Variants in DAB1 observed in about 807,000 individuals in gnomAD.
The protein encoded by DAB1 is DAB adaptor protein 1.
A neutral mutation model predicts 64.6 loss-of-function variants in DAB1; 15 were observed. The ratio of observed to expected loss-of-function variants is 0.23; its 90% CI spans 0.16 to 0.36. The LOEUF (loss-of-function observed/expected upper bound fraction) is 0.36, where lower values mean the gene tolerates loss of function less well. DAB1 is among the 10% of genes least tolerant of loss of function. The probability of loss-of-function intolerance (pLI) is 1.00; values close to 1 mark genes in which losing one functional copy is unlikely to be tolerated. For missense variants in DAB1, 596 were observed against 706.7 expected, an observed-to-expected ratio of 0.84 and a Z score of 1.78; for synonymous variants, 235 against 251.9, an observed-to-expected ratio of 0.93 and a Z score of 0.64.
At chr1:57,527,310 T>C (rs148245344) in intron 7 of DAB1, among the ~76,000 whole-genome samples, 21 of 152,322 alleles carry the variant, frequency 1.4e-4, no homozygotes, top group African/African-American at 4.6e-4. Flanking sequence ...CACACTAATT[T>C]ACATTTTTTC....
At chr1:58,459,197 C>T (rs146507636) in intron 3 of DAB1, among the ~76,000 whole-genome samples, 5 of 152,200 alleles carry the variant, frequency 3.3e-5, no homozygotes, top group East Asian at 1.9e-4. Flanking sequence ...TTGAGCATTG[C>T]GTTATCTACT....
intron 7 of DAB1, among the ~76,000 whole-genome samples, chr1:57,493,593 A>G (rs1644192335): frequency 2.0e-5 from 3 of 152,170 alleles, no homozygotes; most frequent in South Asian, 2.1e-4. Flanking sequence ...GCTGCTATGA[A>G]CTTGGTGTAT....
At chr1:58,436,002 A>T (rs1308451105) in intron 3 of DAB1, among the ~76,000 whole-genome samples, 1 of 152,164 alleles carries the variant, frequency 6.6e-6, no homozygotes, top group Non-Finnish European at 1.5e-5. Context: ...CCTGGCATAG[A>T]AGCCATCCCC....
chr1:57,724,465 A>T (rs1398320389), intron 6 of DAB1, among the ~76,000 whole-genome samples: 3 of 152,168 alleles, frequency 2.0e-5, no homozygotes, highest in Non-Finnish European at 4.4e-5. Flanking sequence ...GCTTTGTCTT[A>T]CCGATTCCTT....
intron 1 of DAB1, among the ~76,000 whole-genome samples, chr1:57,343,172 T>G (rs913105493): frequency 6.6e-6 from 1 of 151,790 alleles, no homozygotes; most frequent in Non-Finnish European, 1.5e-5. Flanking sequence ...AGATACAGAG[T>G]GTCCACATAA....
At chr1:58,197,820 C>T (rs1322420504) in intron 4 of DAB1, among the ~76,000 whole-genome samples, 1 of 151,886 alleles carries the variant, frequency 6.6e-6, no homozygotes, top group Non-Finnish European at 1.5e-5. Context: ...TACTTACCAG[C>T]TTCTGAGAAA....
chr1:57,649,240 G>C (rs531799912), intron 7 of DAB1, among the ~76,000 whole-genome samples: 2 of 152,292 alleles, frequency 1.3e-5, no homozygotes, highest in East Asian at 3.9e-4. Flanking sequence ...TTAAGAAAGA[G>C]AGCTAACATA....
intron 2 of DAB1, among the ~76,000 whole-genome samples, chr1:57,152,701 ATATTTATG>A (rs1659807117): frequency 6.6e-6 from 1 of 152,238 alleles, no homozygotes; most frequent in Non-Finnish European, 1.5e-5. Context: ...GTATACGATG[ATATTTATG>A]AATAGTTAAT....
chr1:57,331,522 A>T lies in DAB1; in HGVS notation c.-136-40356T>A, dbSNP rs536494872. On this transcript the variant is annotated intron_variant, in intron 1 of 14. Coordinates refer to ENST00000371236, the MANE Select transcript of DAB1 (RefSeq NM_001365792.1). ...TTTACAAGTTGTGTGAGTGGAAAAA[A>T]TTCTGTAGCCTAGCTCACTCAACAT... is the stretch of plus-strand genomic sequence containing the variant. 2.1e-4 allele frequency among the ~76,000 whole-genome samples: 32 copies of T among 152,234 alleles called. No individual in the cohort carries two copies. In the South Asian group the frequency reaches 6.6e-3, roughly 32 times the overall value.
At chr1:57,569,022 G>T (rs1481069615) in intron 7 of DAB1, among the ~76,000 whole-genome samples, 9 of 151,832 alleles carry the variant, frequency 5.9e-5, no homozygotes, top group African/African-American at 1.9e-4. Flanking sequence ...ACTTTGGGAG[G>T]CCGAGGCGGG....
At chr1:57,422,413 G>A (rs1425917806) in intron 1 of DAB1, among the ~76,000 whole-genome samples, 1 of 149,486 alleles carries the variant, frequency 6.7e-6, no homozygotes, top group Non-Finnish European at 1.5e-5. Flanking sequence ...GGAGAAAGGC[G>A]CTCTCGCTAC....
intron 1 of DAB1, among the ~76,000 whole-genome samples, chr1:57,346,022 G>C (rs1416637972): frequency 6.6e-5 from 10 of 152,170 alleles, no homozygotes; most frequent in African/African-American, 2.4e-4. Context: ...AAAACCCTGA[G>C]ATCGAGAGAA....
intron 3 of DAB1, among the ~76,000 whole-genome samples, chr1:58,502,714 G>A (rs1464002002): frequency 6.6e-6 from 1 of 152,126 alleles, no homozygotes; most frequent in Non-Finnish European, 1.5e-5. Flanking sequence ...TACAATAATA[G>A]GGAATTCCAA....
At chr1:58,314,522 T>TA (rs1213550508) in intron 4 of DAB1, among the ~76,000 whole-genome samples, 2 of 152,168 alleles carry the variant, frequency 1.3e-5, no homozygotes, top group Non-Finnish European at 2.9e-5. Flanking sequence ...ATTTTGTACT[T>TA]ACGATTGAGT....
chr1:57,224,755 T>C (rs1330104077), intron 2 of DAB1, among the ~76,000 whole-genome samples: 1 of 152,156 alleles, frequency 6.6e-6, no homozygotes, highest in Non-Finnish European at 1.5e-5. Context: ...TTGATAGGAG[T>C]GTCTTTGTTA....
rs186054121 is a variant in DAB1, at chr1:57,760,863, C to T, written n.552-111198G>A. Among the ~76,000 whole-genome samples the T allele has an allele frequency of 1.6e-4, 25 of 152,242 alleles. No homozygotes were observed. The East Asian group carries it at 3.7e-3, about 22-fold the overall frequency. On this transcript the variant is annotated intron_variant and non_coding_transcript_variant, in intron 6 of 20. Coordinates refer to the DAB1 transcript ENST00000485760. ...TGCAAACAAATTTGAAGACTCTGCT[C>T]ACACCACATCAGCTAGCATCCTCTT...
intron 4 of DAB1, among the ~76,000 whole-genome samples, chr1:57,111,241 G>A (rs899496947): frequency 6.6e-6 from 1 of 152,100 alleles, no homozygotes; most frequent in African/African-American, 2.4e-5. Flanking sequence ...CACAGGCCAC[G>A]TGTTCAAGAG....
intron 1 of DAB1, among the ~76,000 whole-genome samples, chr1:57,341,340 T>G (rs984151134): frequency 6.6e-6 from 1 of 152,200 alleles, no homozygotes; most frequent in African/African-American, 2.4e-5. Flanking sequence ...TGGGAGATTA[T>G]CTAGCACCAA....
At chr1:57,519,231 T>C (rs1195720367) in intron 7 of DAB1, among the ~76,000 whole-genome samples, 1 of 152,164 alleles carries the variant, frequency 6.6e-6, no homozygotes, top group Non-Finnish European at 1.5e-5. Flanking sequence ...TAAATACTTA[T>C]CTTCATTTTA....
Sources: allele counts gnomAD v4.1 joint callset (sites outside exome capture counted in the v4.1 genomes callset), GRCh38; gene constraint gnomAD v4.1.1; transcripts MANE v1.5; gene names NCBI Gene and HGNC (gene_info 2026-07-23, HGNC 2026-07-21).